DYSF: variants seen among roughly 807,000 people sequenced by gnomAD.
The protein encoded by DYSF is dystrophy-associated fer-1-like 1.
Under a neutral mutation model 274.9 loss-of-function variants are expected in DYSF, and 212 were observed. The ratio of observed to expected loss-of-function variants is 0.77; its 90% CI spans 0.69 to 0.86. DYSF has a LOEUF of 0.86. Among genes scored for constraint, DYSF ranks in the 40% least tolerant of loss-of-function variants. The pLI is 0.00. For synonymous variants in DYSF, 1,091 were observed against 1,078.7 expected (o/e 1.01, Z -0.22); for missense variants, 2,666 against 2,783.2 (o/e 0.96, Z 0.95).
In DYSF at chr2:71,656,220, A is replaced by T; in HGVS notation, c.4685A>T (p.Asn1562Ile). ...TTTGAGGGCCTGTCTGACTTTTGTAACACCTTCAAGCTGTACCGGGGCAAG... is the reference window on the plus strand; with the variant it reads ...TTTGAGGGCCTGTCTGACTTTTGTATCACCTTCAAGCTGTACCGGGGCAAG... The part of the protein sequence containing the change: ...EAFEGLSDFC[N>I]TFKLYRGKTQ... Residue 1562 changes from asparagine (N) to isoleucine (I), a missense_variant, in exon 43 of 56, where the codon AAC (asparagine) becomes ATC (isoleucine). Physicochemically the swap from Asn to Ile is moderately radical, Grantham distance 149. Coordinates refer to ENST00000410020, the MANE Select transcript of DYSF (RefSeq NM_001130987.2). The T allele has an allele frequency of 5.6e-6, 9 of 1,614,216 alleles. No homozygotes were observed. The highest frequency in any genetic ancestry group is 7.6e-6 in the Non-Finnish European group (9 of 1,180,052).
At chr2:71,585,234 T>C (rs1317351341) in intron 30 of DYSF, among the ~76,000 whole-genome samples, 1 of 152,212 alleles carries the variant, frequency 6.6e-6, no homozygotes, top group Non-Finnish European at 1.5e-5. Flanking sequence ...CCAGGCCCAA[T>C]TGCCAAGGTT....
At chr2:71,645,718 G>A (rs1439014068) in intron 42 of DYSF, among the ~76,000 whole-genome samples, 2 of 151,938 alleles carry the variant, frequency 1.3e-5, no homozygotes, top group Non-Finnish European at 1.5e-5. Context: ...ACCTGACCCC[G>A]TTCTGTATCA....
chr2:71,522,239 A>G (rs1405472151), intron 12 of DYSF, among the ~76,000 whole-genome samples: 1 of 148,390 alleles, frequency 6.7e-6, no homozygotes, highest in Non-Finnish European at 1.5e-5. Context: ...ACTGCTGGTC[A>G]TCACCAACTT....
At chr2:71,610,050 G>C (rs561901894) in intron 36 of DYSF, among the ~76,000 whole-genome samples, 1 of 152,324 alleles carries the variant, frequency 6.6e-6, no homozygotes, top group South Asian at 2.1e-4. Flanking sequence ...GTTGGGCACT[G>C]CACAAGGACA....
At chr2:71,555,360 G>C (rs79931878) in intron 21 of DYSF, among the ~76,000 whole-genome samples, 1,591 of 152,156 alleles carry the variant, frequency 0.01, 63 homozygotes, top group Admixed American at 0.07. Flanking sequence ...GGGGTGTGTC[G>C]GGGGCTGAGG....
At chr2:71,474,834 C>G (rs975068837) in intron 1 of DYSF, among the ~76,000 whole-genome samples, 4 of 152,174 alleles carry the variant, frequency 2.6e-5, no homozygotes, top group African/African-American at 4.8e-5. Flanking sequence ...GTTAAGGAAG[C>G]CTGGAGCACC....
At chr2:71,510,023 C>G (rs140250695) in intron 4 of DYSF, among the ~76,000 whole-genome samples, 1 of 152,338 alleles carries the variant, frequency 6.6e-6, no homozygotes, top group East Asian at 1.9e-4. Context: ...AGAGATCCGC[C>G]TGGCTCGGCC....
In DYSF at chr2:71,513,812, C is replaced by T. The variant is rs1328959597; in HGVS notation, c.650C>T (p.Thr217Ile). The T allele has an allele frequency of 1.2e-6, 2 of 1,614,216 alleles. No homozygotes were observed. The highest frequency in any genetic ancestry group is 1.7e-6 in the Non-Finnish European group (2 of 1,180,026). The stretch of plus-strand genomic sequence containing the variant: ...AGCGGAGGCCCGGGGGCTCCCACCA[C>T]CCCAAGGAAACTACCTTCACGTCCT... Reference protein sequence around the residue: ...DQSGGPGAPTTPRKLPSRPPP... With the variant: ...DQSGGPGAPTIPRKLPSRPPP... Residue 217 changes from threonine to isoleucine, a missense_variant, in exon 7 of 56, where the codon ACC (threonine) becomes ATC (isoleucine). Coordinates refer to ENST00000410020, the MANE Select transcript of DYSF (RefSeq NM_001130987.2).
At chr2:71,482,776 C>A (rs975738694) in intron 3 of DYSF, among the ~76,000 whole-genome samples, 2 of 152,070 alleles carry the variant, frequency 1.3e-5, no homozygotes, top group African/African-American at 4.8e-5. Flanking sequence ...GTCCGGTTGT[C>A]CCTGCTGGGC....
chr2:71,465,485 G>A (rs555939445), upstream of DYSF, among the ~76,000 whole-genome samples: 1 of 152,280 alleles, frequency 6.6e-6, no homozygotes, highest in South Asian at 2.1e-4. Flanking sequence ...CCCCAGCAGT[G>A]AGGGCTCGCT....
At chr2:71,604,813 C>G (rs1405649399) in intron 36 of DYSF, among the ~76,000 whole-genome samples, 1 of 152,196 alleles carries the variant, frequency 6.6e-6, no homozygotes, top group African/African-American at 2.4e-5. Context: ...CAGAGCAGGA[C>G]AGTGAGGGTA....
At chr2:71,505,465 A>G (rs2085385739) in intron 4 of DYSF, among the ~76,000 whole-genome samples, 1 of 152,212 alleles carries the variant, frequency 6.6e-6, no homozygotes, top group Non-Finnish European at 1.5e-5. Context: ...ACACAGAGCC[A>G]GTGGGATCCT....
intron 36 of DYSF, among the ~76,000 whole-genome samples, chr2:71,603,951 G>C (rs2093602076): frequency 1.3e-5 from 2 of 152,210 alleles, no homozygotes; most frequent in African/African-American, 4.8e-5. Flanking sequence ...TCGTCAGAAA[G>C]CAAATCAAAA....
chr2:71,468,726 G>C (rs2081733376), intron 1 of DYSF, among the ~76,000 whole-genome samples: 2 of 152,182 alleles, frequency 1.3e-5, no homozygotes, highest in Non-Finnish European at 2.9e-5. Context: ...GATCCCCCTG[G>C]CTCTCAAGAG....
At chr2:71,492,214 G>A (rs1034884389) in intron 3 of DYSF, among the ~76,000 whole-genome samples, 2 of 152,206 alleles carry the variant, frequency 1.3e-5, no homozygotes, top group African/African-American at 4.8e-5. Context: ...GGCAGGCCCT[G>A]GGGAATCAGA....
At chr2:71,680,934 C>A in intron 53 of DYSF, 67 bp from the exon 54 acceptor site, 1 of 1,396,784 alleles carries the variant, frequency 7.2e-7, no homozygotes. Flanking sequence ...TTTTTCTGGC[C>A]TGGTTACTCT....
At chr2:71,534,990 G>GATCA in intron 14 of DYSF, 31 bp from the exon 15 acceptor site, 1 of 1,613,446 alleles carries the variant, frequency 6.2e-7, no homozygotes, top group Non-Finnish European at 8.5e-7. Flanking sequence ...CATGGAGCTT[G>GATCA]ATCAACTTGT....
chr2:71,478,672 G>A (rs2082615717), intron 1 of DYSF, among the ~76,000 whole-genome samples: 2 of 152,080 alleles, frequency 1.3e-5, no homozygotes. Context: ...GGGAGTTTGG[G>A]AGCTCCCCCC....
At position 71,568,052 on chromosome 2, in the gene DYSF, T is replaced by C. The variant is rs1485037647; in HGVS notation, c.2667T>C (p.Ala889=). The part of the protein sequence containing the change: ...SVDEKEFNQF[A]EGKLSVFAET... ...ATGAGAAGGAGTTCAACCAGTTTGC[T>C]GAGGGGAAGCTGTCTGTCTTTGCTG... Residue 889 remains alanine, a synonymous_variant, in exon 25 of 56, where the codon GCT becomes GCC. Transcript: ENST00000410020. 6.2e-7 allele frequency: 1 copy of C among 1,614,206 alleles called. No homozygotes were observed.
Sources: gnomAD v4.1 joint callset for allele counts (sites outside exome capture counted in the v4.1 genomes callset) on GRCh38, gnomAD v4.1.1 for gene constraint, MANE v1.5 for transcripts, NCBI Gene and HGNC (gene_info 2026-07-23, HGNC 2026-07-21) for gene names.